The following NEK10 variants were observed in gnomAD, a reference collection of about 807,000 sequenced individuals.
NEK10 encodes NIMA related kinase 10, also known as serine/threonine-protein kinase Nek10.
In NEK10, 122 loss-of-function variants were observed where a neutral mutation model predicts 159.8. That is an observed-to-expected ratio of 0.76 (90% confidence interval 0.66 to 0.89). The LOEUF is 0.89. Among genes scored for constraint, NEK10 ranks in the 40% least tolerant of loss-of-function variants. The pLI is 0.00. For missense variants in NEK10, 1,342 were observed against 1,323.1 expected, an observed-to-expected ratio of 1.01 and a Z score of -0.22; for synonymous variants, 466 against 457.1, an observed-to-expected ratio of 1.02 and a Z score of -0.25.
intron 5 of NEK10, among the ~76,000 whole-genome samples, chr3:27,339,071 A>G (rs951998605): frequency 3.6e-4 from 55 of 152,028 alleles, no homozygotes; most frequent in African/African-American, 1.2e-3. Flanking sequence ...CAAAATATAC[A>G]AGGAACTCAA....
At chr3:27,314,809 C>G (rs2045025622) in intron 6 of NEK10, among the ~76,000 whole-genome samples, 1 of 152,166 alleles carries the variant, frequency 6.6e-6, no homozygotes, top group Non-Finnish European at 1.5e-5. Context: ...ACCCTCATTA[C>G]CTGGGAGCTG....
At position 27,297,500 on chromosome 3, in the gene NEK10, C is replaced by T. The variant is rs535287324; in HGVS notation, c.1169-260G>A. ...CCATTTATTGAGCACTTTCTTCGTA[C>T]CAGGAGGCAAGTATTGCATCTGTCC... On this transcript the variant is annotated intron_variant, in intron 13 of 35. Transcript: ENST00000691995. 5.9e-5 allele frequency among the ~76,000 whole-genome samples: 9 copies of T among 152,292 alleles called. 1 individual carries two copies. The South Asian group carries it at 1.9e-3, about 32-fold the overall frequency.
intron 11 of NEK10, among the ~76,000 whole-genome samples, chr3:27,307,135 G>A (rs1355083036): frequency 6.6e-6 from 1 of 152,134 alleles, no homozygotes; most frequent in African/African-American, 2.4e-5. Flanking sequence ...ACCAAGCTTG[G>A]AACCTTGTTT....
At chr3:27,139,843 A>G (rs1943602099) in intron 31 of NEK10, among the ~76,000 whole-genome samples, 1 of 152,228 alleles carries the variant, frequency 6.6e-6, no homozygotes, top group Non-Finnish European at 1.5e-5. Flanking sequence ...ACATTCAGCA[A>G]GAACATCCAG....
chr3:27,292,692 G>C (rs2043081399), intron 16 of NEK10, among the ~76,000 whole-genome samples: 2 of 151,512 alleles, frequency 1.3e-5, no homozygotes, highest in African/African-American at 2.4e-5. Flanking sequence ...AAATTAGCCA[G>C]GTGTGGTGGT....
At chr3:27,227,231 G>A (rs1324664409) in intron 23 of NEK10, among the ~76,000 whole-genome samples, 1 of 152,182 alleles carries the variant, frequency 6.6e-6, no homozygotes, top group East Asian at 1.9e-4. Context: ...CTGGAGTGAT[G>A]CCCTTGAGGA....
intron 25 of NEK10, among the ~76,000 whole-genome samples, chr3:27,200,411 T>C (rs1949948391): frequency 6.6e-6 from 1 of 152,136 alleles, no homozygotes. Context: ...AATACTCAGT[T>C]TGATGGGATG....
intron 7 of NEK10, 60 bp from the exon 8 acceptor site, chr3:27,312,237 G>A: frequency 1.1e-6 from 1 of 913,288 alleles, no homozygotes; most frequent in Non-Finnish European, 1.7e-6. Context: ...AAGGAAGCAA[G>A]GAACAAGATG....
chr3:27,347,541 T>G (rs1248093746), intron 3 of NEK10, among the ~76,000 whole-genome samples: 1 of 151,860 alleles, frequency 6.6e-6, no homozygotes, highest in Non-Finnish European at 1.5e-5. Flanking sequence ...ACATCATTTT[T>G]TTATTCAAAG....
chr3:27,171,926 A>AT, intron 28 of NEK10, 53 bp from the exon 29 acceptor site: 2 of 1,557,858 alleles, frequency 1.3e-6, no homozygotes, highest in South Asian at 1.2e-5. Flanking sequence ...CAAATCTTTT[A>AT]TTTTTTATGT....
intron 20 of NEK10, 31 bp downstream of exon 20, chr3:27,287,667 A>G (rs200466496): frequency 1.3e-6 from 2 of 1,552,140 alleles, no homozygotes; most frequent in African/African-American, 2.8e-5. Flanking sequence ...ATGTTTCCTT[A>G]TTTAGAAATA....
intron 23 of NEK10, among the ~76,000 whole-genome samples, chr3:27,227,479 A>G (rs995404612): frequency 3.3e-5 from 5 of 152,156 alleles, no homozygotes; most frequent in Non-Finnish European, 5.9e-5. Context: ...CCAAACATTA[A>G]TTATAGTCAA....
intron 35 of NEK10, among the ~76,000 whole-genome samples, chr3:27,112,176 G>A (rs989974505): frequency 6.6e-6 from 1 of 152,150 alleles, no homozygotes; most frequent in African/African-American, 2.4e-5. Context: ...GTCTCCTCAT[G>A]ATTTAAACAG....
At chr3:27,253,079 G>A (rs1955829018) in intron 23 of NEK10, 1 of 342,550 alleles carries the variant, frequency 2.9e-6, no homozygotes, top group Non-Finnish European at 5.7e-6. Flanking sequence ...TACTTAATCA[G>A]TTTTACCTAC....
chr3:27,297,770 C>T (rs1167991889), intron 13 of NEK10, among the ~76,000 whole-genome samples: 3 of 152,310 alleles, frequency 2.0e-5, no homozygotes, highest in Non-Finnish European at 2.9e-5. Context: ...GTCTGCCAGA[C>T]GTTAAATCCC....
Position 27,301,992 on chromosome 3 carries a change from G to A in NEK10, c.1029-157C>T, listed in dbSNP as rs188790038. Among the ~76,000 whole-genome samples, 16 of 152,242 alleles carry A rather than the reference G, an allele frequency of 1.1e-4. No homozygotes were observed. In the South Asian group the frequency reaches 2.5e-3, roughly 24 times the overall value. On this transcript the variant is annotated intron_variant, in intron 12 of 35. Coordinates refer to ENST00000691995, the MANE Select transcript of NEK10 (RefSeq NM_001394966.1). ...CACCTGGAATTGATTTTTGTGTATG[G>A]TGTGTGGTAAGAACCATTTTTTTAT...
chr3:27,233,195 G>GA (rs914921409), intron 23 of NEK10, among the ~76,000 whole-genome samples: 10 of 151,536 alleles, frequency 6.6e-5, no homozygotes, highest in East Asian at 1.9e-4. Flanking sequence ...AAGTCAACAA[G>GA]AAAAAAACAA....
intron 22 of NEK10, among the ~76,000 whole-genome samples, chr3:27,258,408 C>T (rs1411517999): frequency 7.3e-6 from 1 of 137,366 alleles, no homozygotes; most frequent in African/African-American, 2.7e-5. Flanking sequence ...GTGTGATGTT[C>T]CCCTTCCTGA....
chr3:27,225,903 TCATAAGGTAGGAAGTCCCC>T (rs1186147068), intron 23 of NEK10, among the ~76,000 whole-genome samples: 1 of 152,216 alleles, frequency 6.6e-6, no homozygotes, highest in Non-Finnish European at 1.5e-5. Context: ...GAAAAGATAT[TCATAAGGTAGGAAGTCCCC>T]CCCAGATATA....
Sources: gnomAD v4.1 joint callset for allele counts (sites outside exome capture counted in the v4.1 genomes callset) on GRCh38, gnomAD v4.1.1 for gene constraint, MANE v1.5 for transcripts, NCBI Gene and HGNC (gene_info 2026-07-23, HGNC 2026-07-21) for gene names.